Variants in SPTBN2 observed in about 807,000 individuals in gnomAD.
SPTBN2 encodes spectrin beta chain, non-erythrocytic 2.
SPTBN2 carries 107 observed loss-of-function variants against 284.2 expected under a neutral mutation model. The observed-to-expected ratio is 0.38, with a 90% confidence interval of 0.32 to 0.44. SPTBN2 has a LOEUF of 0.44. Among genes scored for constraint, SPTBN2 ranks in the 20% least tolerant of loss-of-function variants. The probability of loss-of-function intolerance (pLI) is 1.00; values close to 1 mark genes in which losing one functional copy is unlikely to be tolerated. For missense variants in SPTBN2, 2,569 were observed against 3,287.1 expected, an observed-to-expected ratio of 0.78 and a Z score of 5.34; for synonymous variants, 1,289 against 1,354.8, an observed-to-expected ratio of 0.95 and a Z score of 1.07.
In SPTBN2 at chr11:66,708,288, C is replaced by A. The variant is rs1031090949; in HGVS notation, c.1203G>T (p.Arg401=). 1.3e-6 allele frequency: 2 copies of A among 1,594,786 alleles called. No individual in the cohort carries two copies. Among genetic ancestry groups the A allele is most frequent in the Admixed American group, 3.4e-5 (2 of 59,428 alleles). ...LISDINKAWE[R]LEKAEHEREL... ...CACGCTCGTGCTCCGCCTTCTCCAG[C>A]CGCTCCCAAGCCTATGGGGTGGGGA... Residue 401 remains arginine, a synonymous_variant, in exon 12 of 38, where the codon CGG becomes CGT. Transcript: ENST00000533211. This position sits in a 1 kb window ranked among gnomAD's most constrained non-coding sequence, Gnocchi z 4.4.
rs1313081711 is a variant in SPTBN2 at position 66,687,455 on chromosome 11, C to T, written c.6694G>A (p.Glu2232Lys). Residue 2232 changes from glutamate to lysine, a missense_variant, in exon 35 of 38, where the codon GAG becomes AAG. By Grantham distance (56) the Glu-to-Lys change is moderately conservative. Around this residue, in one of 6 missense-constraint regions of SPTBN2, gnomAD observed 1,130 missense variants for 1,317.3 expected, o/e 0.86. Transcript: ENST00000533211. The surrounding 1 kb of genome is among the most constrained non-coding windows in gnomAD (Gnocchi z 5.2). ...EGMLCRKQEMEAFGKKAANRS... is the reference protein window; with the variant it reads ...EGMLCRKQEMKAFGKKAANRS... Reference sequence around the variant, plus strand: ...TTGGCAGCCTTCTTCCCGAAGGCCTCCATCTCCTGCTTGCGGCACAGCATC... The same window carrying T: ...TTGGCAGCCTTCTTCCCGAAGGCCTTCATCTCCTGCTTGCGGCACAGCATC... 1 of 1,608,566 alleles carries T rather than the reference C, an allele frequency of 6.2e-7. No individual in the cohort carries two copies. Among genetic ancestry groups the T allele is most frequent in the Non-Finnish European group, 8.5e-7 (1 of 1,180,000 alleles).
rs1369659677 is a variant in SPTBN2 at position 66,687,860 on chromosome 11, G to GA, written c.6501+7dup. ...AGTTATCAACACCACACTTGCAGGG[G>GA]AACTCACCGGCCCTTCGGGGAAGCT... On this transcript the variant is annotated splice_region_variant and intron_variant, in intron 34 of 37. Transcript: ENST00000533211. The surrounding 1 kb of genome is among the most constrained non-coding windows in gnomAD (Gnocchi z 5.2). 2 of 1,614,110 alleles carry GA rather than the reference G, an allele frequency of 1.2e-6. No individual in the cohort carries two copies. Among genetic ancestry groups the GA allele is most frequent in the Admixed American group, 1.7e-5 (1 of 60,018 alleles).
Position 66,687,840 on chromosome 11 carries a change from T to C in SPTBN2, c.6501+28A>G, listed in dbSNP as rs776617819. ...CTCTGGACCCTTCGCCTCACAGTTA[T>C]CAACACCACACTTGCAGGGGAACTC... On this transcript the variant is annotated intron_variant, in intron 34 of 37. Transcript: ENST00000533211. The surrounding 1 kb of genome is among the most constrained non-coding windows in gnomAD (Gnocchi z 5.2). The C allele has an allele frequency of 1.9e-5, 30 of 1,613,966 alleles. No individual in the cohort carries two copies. Among genetic ancestry groups the C allele is most frequent in the Admixed American group, 5.0e-5 (3 of 60,024 alleles).
Position 66,684,111 on chromosome 11 carries a change from C to CT in SPTBN2, c.*1759dup, listed in dbSNP as rs1939956233. On this transcript the variant is annotated 3_prime_UTR_variant, in exon 38 of 38. Transcript: ENST00000533211. Reference sequence around the variant, plus strand: ...ACACCTAACTCGGTCTTCGTCATGACTGATGATAGGCCCGCAGTCAATGAC... The same window carrying CT: ...ACACCTAACTCGGTCTTCGTCATGACTTGATGATAGGCCCGCAGTCAATGAC... Among the ~76,000 whole-genome samples, 1 of 152,222 alleles carries CT rather than the reference C, an allele frequency of 6.6e-6. No individual in the cohort carries two copies.
In SPTBN2 at chr11:66,690,042, G is replaced by A. The variant is rs1252382879; in HGVS notation, c.5807C>T (p.Pro1936Leu). 1 of 1,614,218 alleles carries A rather than the reference G, an allele frequency of 6.2e-7. No homozygotes were observed. The highest frequency in any genetic ancestry group is 8.5e-7 in the Non-Finnish European group (1 of 1,180,034). Residue 1936 changes from proline (P) to leucine (L), a missense_variant, in exon 28 of 38, where the codon CCC becomes CTC. Coordinates refer to ENST00000533211, the MANE Select transcript of SPTBN2 (RefSeq NM_006946.4). The stretch of plus-strand genomic sequence containing the variant: ...CCCTGAGCCCTGGGATTCTCACCGG[G>A]GACGCTCCTGGGCATCCATCTGCAG... ...VNLQMDAQER[P>L]RDVSSADLVI...
intron 1 of SPTBN2, chr11:66,744,415 A>C: frequency 1.3e-5 from 2 of 155,564 alleles, no homozygotes; most frequent in African/African-American, 2.4e-5. Context: ...GGCCGAGGGA[A>C]GGGTCCTGGA....
intron 1 of SPTBN2, among the ~76,000 whole-genome samples, chr11:66,722,779 G>C (rs552936760): frequency 3.3e-5 from 5 of 151,294 alleles, no homozygotes; most frequent in African/African-American, 9.7e-5. Flanking sequence ...TGTAGTCCTA[G>C]CTACCGGGGA....
At position 66,694,251 on chromosome 11, in the gene SPTBN2, C is replaced by T. The variant is rs775302183; in HGVS notation, c.4391G>A (p.Arg1464Lys). 3 of 1,614,174 alleles carry T rather than the reference C, an allele frequency of 1.9e-6. No homozygotes were observed. The Admixed American group carries it at 5.0e-5, about 27-fold the overall frequency. Residue 1464 changes from arginine (R) to lysine (K), a missense_variant, in exon 22 of 38, where the codon AGG becomes AAG. Arg to Lys is a conservative substitution (Grantham distance 26). Coordinates refer to ENST00000533211, the MANE Select transcript of SPTBN2 (RefSeq NM_006946.4). Reference sequence around the variant, plus strand: ...GGCCCTGAACTTCTCCTCCACGGCCCTCGAGGTTCTCTCCACCTCCCCTGC... The same window carrying T: ...GGCCCTGAACTTCTCCTCCACGGCCTTCGAGGTTCTCTCCACCTCCCCTGC... ...QGAGEVERTS[R>K]AVEEKFRALC...
intron 27 of SPTBN2, 147 bp from the exon 28 acceptor site, chr11:66,690,430 G>A: frequency 8.6e-7 from 1 of 1,160,074 alleles, no homozygotes; most frequent in East Asian, 2.6e-5. Flanking sequence ...TGCTGGGAAA[G>A]ATGAAGGCAG....
chr11:66,684,795 C>G lies in SPTBN2; in HGVS notation c.*1076G>C, dbSNP rs1415754852. Among the ~76,000 whole-genome samples, 2 of 152,130 alleles carry G rather than the reference C, an allele frequency of 1.3e-5. No individual in the cohort carries two copies. Among genetic ancestry groups the G allele is most frequent in the African/African-American group, 4.8e-5 (2 of 41,410 alleles). On this transcript the variant is annotated 3_prime_UTR_variant, in exon 38 of 38. Coordinates refer to ENST00000533211, the MANE Select transcript of SPTBN2 (RefSeq NM_006946.4). ...TCCCTGTCTGAGGTCCCTTGATCTA[C>G]TGGAGAGCAGACGGCAAGTGGGGGC...
chr11:66,700,642 C>T lies in SPTBN2; in HGVS notation c.3457G>A (p.Gly1153Ser). The change falls in exon 17 of 38, where the codon GGC becomes AGC. Residue 1153 changes from glycine (G) to serine (S), a missense_variant. Physicochemically the swap from Gly to Ser is moderately conservative, Grantham distance 56. Around this residue, in one of 6 missense-constraint regions of SPTBN2, gnomAD observed 1,012 missense variants for 1,248.9 expected, o/e 0.81. Coordinates refer to ENST00000533211, the MANE Select transcript of SPTBN2 (RefSeq NM_006946.4). The surrounding 1 kb of genome is among the most constrained non-coding windows in gnomAD (Gnocchi z 6.6). ...CACATTCGGCCCAGCTCCTCCCAGC[C>T]AGTTCCCAGGGCCTCCAGTCGCTGT... ...LRQRLEALGT[G>S]WEELGRMWES... The T allele has an allele frequency of 1.2e-6, 2 of 1,608,370 alleles. No individual in the cohort carries two copies. The highest frequency in any genetic ancestry group is 1.7e-6 in the Non-Finnish European group (2 of 1,179,970).
chr11:66,725,266 C>T (rs1382811998), intron 1 of SPTBN2, among the ~76,000 whole-genome samples: 2 of 152,200 alleles, frequency 1.3e-5, no homozygotes, highest in Admixed American at 6.5e-5. Flanking sequence ...TGGCATTGTT[C>T]AGCATGTGGC....
intron 1 of SPTBN2, among the ~76,000 whole-genome samples, chr11:66,743,538 T>G (rs1251059190): frequency 6.6e-6 from 1 of 152,202 alleles, no homozygotes; most frequent in East Asian, 1.9e-4. Flanking sequence ...GGTTTTCTTT[T>G]GGCTGTCAGA....
intron 15 of SPTBN2, among the ~76,000 whole-genome samples, chr11:66,702,338 G>C (rs1007987099): frequency 1.3e-5 from 2 of 152,126 alleles, no homozygotes; most frequent in Admixed American, 6.6e-5. Context: ...GCTAATTTTT[G>C]TATTTTTGGT....
Position 66,687,439 on chromosome 11 carries a change from T to G in SPTBN2, c.6710A>C (p.Lys2237Thr). The change falls in exon 35 of 38, where the codon AAG becomes ACG. Residue 2237 changes from lysine to threonine, a missense_variant. Lys to Thr is a moderately conservative substitution (Grantham distance 78). Coordinates refer to ENST00000533211, the MANE Select transcript of SPTBN2 (RefSeq NM_006946.4). The surrounding 1 kb of genome is among the most constrained non-coding windows in gnomAD (Gnocchi z 5.2). ...RKQEMEAFGK[K>T]AANRSWQNVY... ...AGAGAGGCTGTACCTGTTGGCAGCC[T>G]TCTTCCCGAAGGCCTCCATCTCCTG... 1.2e-6 allele frequency: 2 copies of G among 1,606,844 alleles called. No individual in the cohort carries two copies. Among genetic ancestry groups the G allele is most frequent in the Non-Finnish European group, 8.5e-7 (1 of 1,179,970 alleles).
rs1243089949 is a variant in SPTBN2, at chr11:66,704,709, G to A, written c.2567C>T (p.Thr856Ile). ...ACAGGCCCCGGCCTCGCTGAGCATG[G>A]TGTAGAGCGCCAGGGCTGCCTCCAA... ...RALEAALALY[T>I]MLSEAGACGL... The change falls in exon 15 of 38, where the codon ACC becomes ATC. Residue 856 changes from threonine (T) to isoleucine (I), a missense_variant. Thr to Ile is a moderately conservative substitution (Grantham distance 89). Coordinates refer to ENST00000533211, the MANE Select transcript of SPTBN2 (RefSeq NM_006946.4). The A allele has an allele frequency of 6.2e-6, 10 of 1,606,656 alleles. No homozygotes were observed. The highest frequency in any genetic ancestry group is 7.6e-6 in the Non-Finnish European group (9 of 1,177,168).
intron 36 of SPTBN2, chr11:66,686,643 G>T: frequency 1.5e-6 from 1 of 673,896 alleles, no homozygotes; most frequent in Non-Finnish European, 2.6e-6. Flanking sequence ...CAGAGGCAGG[G>T]GGAGCTCACT....
In SPTBN2 at chr11:66,701,730, G is replaced by A. The variant is rs200412291; in HGVS notation, c.2679-9C>T. 7.4e-6 allele frequency: 12 copies of A among 1,614,090 alleles called. No homozygotes were observed. The African/African-American group carries it at 1.2e-4, about 16-fold the overall frequency. ...GCTCCAGGGTCTCGAACCTGAGAGG[G>A]TGGAAGAGCCAGGCGTGAATTGTGG... On this transcript the variant is annotated splice_polypyrimidine_tract_variant and intron_variant, in intron 15 of 37. Coordinates refer to ENST00000533211, the MANE Select transcript of SPTBN2 (RefSeq NM_006946.4).
intron 8 of SPTBN2, among the ~76,000 whole-genome samples, chr11:66,712,414 G>A (rs1941917190): frequency 6.6e-6 from 1 of 152,144 alleles, no homozygotes; most frequent in African/African-American, 2.4e-5. Context: ...GGGCGTGGTG[G>A]GATGCGCCTG....
Sources: allele counts gnomAD v4.1 joint callset (sites outside exome capture counted in the v4.1 genomes callset), GRCh38; gene constraint gnomAD v4.1.1; regional missense constraint gnomAD v4.1.1; non-coding constraint Gnocchi (gnomAD v3.1); transcripts MANE v1.5; gene names NCBI Gene and HGNC (gene_info 2026-07-23, HGNC 2026-07-21).